The following CDH8 variants were observed in gnomAD, a reference collection of about 807,000 sequenced individuals.
CDH8 encodes cadherin 8.
CDH8 carries 17 observed loss-of-function variants against 68.1 expected under a neutral mutation model. That is an observed-to-expected ratio of 0.25 (90% CI 0.17 to 0.37). CDH8 has a LOEUF of 0.37. Ranked by LOEUF, CDH8 falls within the 10% of genes least tolerant of loss-of-function variation. The pLI is 1.00. For missense variants in CDH8, 763 were observed against 999.3 expected, an observed-to-expected ratio of 0.76 and a Z score of 3.19; for synonymous variants, 372 against 365.1, an observed-to-expected ratio of 1.02 and a Z score of -0.21.
intron 3 of CDH8, among the ~76,000 whole-genome samples, chr16:61,890,188 A>C (rs2143187522): frequency 6.6e-6 from 1 of 152,336 alleles, no homozygotes; most frequent in Admixed American, 6.5e-5. Flanking sequence ...TAGAAAATGT[A>C]TTTCTAAAGA....
chr16:62,015,497 C>T (rs531260081), intron 2 of CDH8, among the ~76,000 whole-genome samples: 2 of 151,970 alleles, frequency 1.3e-5, no homozygotes, highest in Admixed American at 1.3e-4. Context: ...GGAAATTGCA[C>T]CTAACAGAAA....
At chr16:62,020,958 C>T (rs543639333) in intron 2 of CDH8, among the ~76,000 whole-genome samples, 194 bp downstream of exon 2, 166 of 152,304 alleles carry the variant, frequency 1.1e-3, no homozygotes, top group African/African-American at 3.8e-3. Context: ...GTAGGAGAAG[C>T]TTTCCCTACA....
chr16:61,845,879 C>G (rs1962796853), intron 4 of CDH8, among the ~76,000 whole-genome samples: 1 of 152,008 alleles, frequency 6.6e-6, no homozygotes, highest in African/African-American at 2.4e-5. Context: ...ACTTATCCTG[C>G]AGATATCTAT....
At chr16:62,009,612 A>G (rs1901758167) in intron 2 of CDH8, among the ~76,000 whole-genome samples, 1 of 152,094 alleles carries the variant, frequency 6.6e-6, no homozygotes, top group Non-Finnish European at 1.5e-5. Context: ...TCTCACTTTA[A>G]GAAGAACCTA....
intron 2 of CDH8, among the ~76,000 whole-genome samples, chr16:61,974,409 T>A (rs207476052): frequency 6.6e-6 from 1 of 152,152 alleles, no homozygotes; most frequent in South Asian, 2.1e-4. Flanking sequence ...AGCCTAGCAA[T>A]GCAGGGTGCA....
At chr16:61,945,725 C>T (rs1964792301) in intron 2 of CDH8, among the ~76,000 whole-genome samples, 1 of 152,072 alleles carries the variant, frequency 6.6e-6, no homozygotes, top group South Asian at 2.1e-4. Context: ...TTTCAAGACA[C>T]TGAGGAGAAA....
Position 61,653,470 on chromosome 16 carries a change from T to C in CDH8, c.*138A>G. The stretch of plus-strand genomic sequence containing the variant: ...TTTATTATCTTTTTTTGGTTCAACA[T>C]TAAAATGTGGTTGAGTTTATAGATG... On this transcript the variant is annotated 3_prime_UTR_variant, in exon 12 of 12. Transcript: ENST00000577390. The C allele has an allele frequency of 1.4e-6, 2 of 1,457,584 alleles. No homozygotes were observed. The highest frequency in any genetic ancestry group is 1.8e-6 in the Non-Finnish European group (2 of 1,105,782). 90.3% of individuals were successfully genotyped at this position (1,457,584 alleles called of 1,614,324 possible).
chr16:61,792,300 G>T (rs1194481623), intron 7 of CDH8, among the ~76,000 whole-genome samples: 1 of 151,922 alleles, frequency 6.6e-6, no homozygotes, highest in African/African-American at 2.4e-5. Context: ...AATATTACCA[G>T]ATTACACAAT....
intron 2 of CDH8, among the ~76,000 whole-genome samples, chr16:61,981,548 A>G (rs919966364): frequency 6.6e-6 from 1 of 152,172 alleles, no homozygotes; most frequent in African/African-American, 2.4e-5. Flanking sequence ...TCTAAACGTA[A>G]TAAGGACACA....
chr16:61,866,555 A>G (rs1963257129), intron 3 of CDH8, among the ~76,000 whole-genome samples: 1 of 151,244 alleles, frequency 6.6e-6, no homozygotes, highest in Non-Finnish European at 1.5e-5. Context: ...ATTGTAGCAT[A>G]CATAGAATTA....
chr16:61,664,963 C>A (rs575106938), intron 10 of CDH8, among the ~76,000 whole-genome samples: 2 of 151,970 alleles, frequency 1.3e-5, no homozygotes, highest in Non-Finnish European at 2.9e-5. Flanking sequence ...TATAACATAT[C>A]ATTTTTCTTG....
intron 10 of CDH8, among the ~76,000 whole-genome samples, chr16:61,706,918 C>T (rs561195357): frequency 6.6e-6 from 1 of 152,082 alleles, no homozygotes; most frequent in Non-Finnish European, 1.5e-5. Flanking sequence ...TCTCTCCAGC[C>T]AAATGAAAAA....
intron 2 of CDH8, among the ~76,000 whole-genome samples, chr16:61,990,502 G>A (rs1336773979): frequency 2.0e-5 from 3 of 151,646 alleles, no homozygotes; most frequent in Admixed American, 1.3e-4. Context: ...ATAAAGCAGA[G>A]GCATTCCTAT....
chr16:61,901,679 C>A (rs1313413336), intron 2 of CDH8, among the ~76,000 whole-genome samples: 3 of 152,000 alleles, frequency 2.0e-5, no homozygotes, highest in Non-Finnish European at 4.4e-5. Flanking sequence ...TAGAACAGTC[C>A]TTAAAAAGTA....
intron 4 of CDH8, among the ~76,000 whole-genome samples, chr16:61,855,616 C>A (rs898243293): frequency 6.6e-6 from 1 of 152,104 alleles, no homozygotes; most frequent in Non-Finnish European, 1.5e-5. Context: ...AACAAAAAGA[C>A]CCAATTGAAC....
chr16:61,669,192 C>T (rs1963741583), intron 10 of CDH8, among the ~76,000 whole-genome samples: 1 of 152,000 alleles, frequency 6.6e-6, no homozygotes, highest in African/African-American at 2.4e-5. Flanking sequence ...TCAGGCAAGC[C>T]ACCAAATGTA....
chr16:61,824,978 C>A (rs1434449068), intron 5 of CDH8, 34 bp downstream of exon 5: 1 of 1,544,426 alleles, frequency 6.5e-7, no homozygotes, highest in Admixed American at 1.8e-5. Flanking sequence ...AACATCATAC[C>A]AAGATTCTCA....
chr16:61,941,128 A>C (rs959300552), intron 2 of CDH8, among the ~76,000 whole-genome samples: 2 of 152,204 alleles, frequency 1.3e-5, no homozygotes, highest in African/African-American at 4.8e-5. Context: ...CACAATCCAC[A>C]AGAAAAATAA....
chr16:61,898,156 C>A (rs771691152), intron 3 of CDH8, among the ~76,000 whole-genome samples: 1 of 151,902 alleles, frequency 6.6e-6, no homozygotes, highest in Admixed American at 6.6e-5. Context: ...AAAAATTAGC[C>A]GGGCATGGTG....
Sources: allele counts gnomAD v4.1 joint callset (sites outside exome capture counted in the v4.1 genomes callset), GRCh38; gene constraint gnomAD v4.1.1; transcripts MANE v1.5; gene names NCBI Gene and HGNC (gene_info 2026-07-23, HGNC 2026-07-21).